ADGRB3: variants seen among roughly 807,000 people sequenced by gnomAD.
ADGRB3 encodes the protein adhesion G protein-coupled receptor B3.
Under a neutral mutation model 193.4 loss-of-function variants are expected in ADGRB3, and 37 were observed. That is an observed-to-expected ratio of 0.19 (90% CI 0.15 to 0.25). The LOEUF (loss-of-function observed/expected upper bound fraction) is 0.25, where lower values mean the gene tolerates loss of function less well. Among genes scored for constraint, ADGRB3 ranks in the 10% least tolerant of loss-of-function variants. The pLI, the probability that ADGRB3 is intolerant of heterozygous loss-of-function variation, is 1.00. For synonymous variants in ADGRB3, 690 were observed against 644.2 expected (o/e 1.07, Z -1.08); for missense variants, 1,637 against 1,852.9 (o/e 0.88, Z 2.14).
intron 3 of ADGRB3, among the ~76,000 whole-genome samples, chr6:68,836,768 T>G (rs998910874): frequency 2.6e-5 from 4 of 152,138 alleles, no homozygotes; most frequent in African/African-American, 9.7e-5. Context: ...GGCAGATGGT[T>G]TGCCTGAGCC....
chr6:68,869,810 A>C (rs1035261624), intron 3 of ADGRB3, among the ~76,000 whole-genome samples: 5 of 151,824 alleles, frequency 3.3e-5, no homozygotes, highest in African/African-American at 1.2e-4. Flanking sequence ...TCACTCGCTC[A>C]CTCGGTCACC....
At chr6:69,137,916 T>C (rs957029495) in intron 17 of ADGRB3, among the ~76,000 whole-genome samples, 2 of 152,244 alleles carry the variant, frequency 1.3e-5, no homozygotes, top group Non-Finnish European at 2.9e-5. Flanking sequence ...AATGGCCTTC[T>C]TCCGTGCTGT....
At chr6:68,859,347 C>T (rs1765083649) in intron 3 of ADGRB3, among the ~76,000 whole-genome samples, 1 of 152,198 alleles carries the variant, frequency 6.6e-6, no homozygotes, top group Non-Finnish European at 1.5e-5. Context: ...GTCCTCTGAA[C>T]TGTTCCAACC....
At chr6:69,098,561 G>A (rs1286038400) in intron 17 of ADGRB3, among the ~76,000 whole-genome samples, 1 of 152,006 alleles carries the variant, frequency 6.6e-6, no homozygotes. Flanking sequence ...GAAGGTTAAG[G>A]GGAAGTGCCA....
intron 17 of ADGRB3, among the ~76,000 whole-genome samples, chr6:69,087,794 T>C (rs781367375): frequency 3.4e-4 from 51 of 152,182 alleles, no homozygotes; most frequent in Non-Finnish European, 5.6e-4. Context: ...TACAATACCT[T>C]TGTTTAGAAA....
chr6:69,320,908 T>C (rs1244723550), intron 20 of ADGRB3, among the ~76,000 whole-genome samples: 1 of 151,388 alleles, frequency 6.6e-6, no homozygotes, highest in Non-Finnish European at 1.5e-5. Flanking sequence ...GAGAAAATTT[T>C]CTGTAATATA....
intron 15 of ADGRB3, among the ~76,000 whole-genome samples, chr6:69,051,785 T>C (rs1771402286): frequency 6.6e-6 from 1 of 152,258 alleles, no homozygotes; most frequent in Admixed American, 6.5e-5. Flanking sequence ...AAATATTTAC[T>C]GAGCAGCGTC....
At chr6:69,059,289 T>C (rs1771645281) in intron 15 of ADGRB3, among the ~76,000 whole-genome samples, 1 of 152,132 alleles carries the variant, frequency 6.6e-6, no homozygotes, top group South Asian at 2.1e-4. Context: ...CATTCTCTTT[T>C]GGTTATCTTT....
At chr6:69,201,441 T>A (rs916570737) in intron 17 of ADGRB3, among the ~76,000 whole-genome samples, 3 of 152,042 alleles carry the variant, frequency 2.0e-5, no homozygotes, top group Admixed American at 6.6e-5. Flanking sequence ...AACTTTTTTT[T>A]ATCTCTCCCT....
chr6:68,903,155 G>A (rs1478191876), intron 3 of ADGRB3, among the ~76,000 whole-genome samples: 2 of 152,154 alleles, frequency 1.3e-5, no homozygotes, highest in Admixed American at 6.6e-5. Flanking sequence ...CAAATCTTTT[G>A]TGAAAAGAAG....
chr6:69,227,680 T>C (rs950002107), intron 17 of ADGRB3, among the ~76,000 whole-genome samples: 3 of 152,182 alleles, frequency 2.0e-5, no homozygotes, highest in Non-Finnish European at 4.4e-5. Flanking sequence ...TTCTACTTCA[T>C]CTGGTATTTG....
intron 6 of ADGRB3, among the ~76,000 whole-genome samples, chr6:68,955,604 A>C (rs1018584576): frequency 6.6e-6 from 1 of 152,220 alleles, no homozygotes; most frequent in African/African-American, 2.4e-5. Flanking sequence ...AGCCTGACCA[A>C]CATGGTAAAA....
chr6:68,867,749 G>A (rs1013229280), intron 3 of ADGRB3, among the ~76,000 whole-genome samples: 5 of 152,198 alleles, frequency 3.3e-5, no homozygotes, highest in Non-Finnish European at 7.3e-5. Flanking sequence ...TGTCCTGTAT[G>A]TGAGACATGA....
intron 3 of ADGRB3, among the ~76,000 whole-genome samples, chr6:68,867,742 C>A (rs1765337702): frequency 6.6e-6 from 1 of 152,160 alleles, no homozygotes; most frequent in African/African-American, 2.4e-5. Flanking sequence ...ATCCGCATGT[C>A]CTGTATGTGA....
chr6:69,295,801 C>T (rs567543653), intron 20 of ADGRB3, among the ~76,000 whole-genome samples: 49 of 152,150 alleles, frequency 3.2e-4, no homozygotes, highest in Non-Finnish European at 6.8e-4. Flanking sequence ...AAGTCAATAA[C>T]CTGCAAACCA....
chr6:69,343,906 A>C (rs1769032136), intron 26 of ADGRB3, among the ~76,000 whole-genome samples: 2 of 152,216 alleles, frequency 1.3e-5, no homozygotes, highest in African/African-American at 2.4e-5. Flanking sequence ...ATTTATTTGA[A>C]TTAAACAGAT....
intron 3 of ADGRB3, among the ~76,000 whole-genome samples, chr6:68,767,686 A>G (rs111592141): frequency 0.055 from 8,384 of 152,146 alleles, 507 homozygotes; most frequent in African/African-American, 0.15. Context: ...GGAAGTTCCG[A>G]CCAGGGCAAT....
At chr6:68,797,781 C>A (rs1303547354) in intron 3 of ADGRB3, among the ~76,000 whole-genome samples, 2 of 152,022 alleles carry the variant, frequency 1.3e-5, no homozygotes, top group Admixed American at 6.6e-5. Context: ...TTTTATTTTT[C>A]TTTTTTCTCC....
At chr6:68,901,321 T>A (rs1050312409) in intron 3 of ADGRB3, among the ~76,000 whole-genome samples, 1 of 152,114 alleles carries the variant, frequency 6.6e-6, no homozygotes, top group Admixed American at 6.6e-5. Flanking sequence ...AACATGGGCC[T>A]CTCCATAGTG....
Sources: allele counts gnomAD v4.1 joint callset (sites outside exome capture counted in the v4.1 genomes callset), GRCh38; gene constraint gnomAD v4.1.1; transcripts MANE v1.5; gene names NCBI Gene and HGNC (gene_info 2026-07-23, HGNC 2026-07-21).